The following SYNPO variants were observed in gnomAD, a reference collection of about 807,000 sequenced individuals.
SYNPO encodes synaptopodin.
SYNPO carries 19 observed loss-of-function variants against 49.5 expected under a neutral mutation model. That is an observed-to-expected ratio of 0.38 (90% CI 0.27 to 0.56). The LOEUF is 0.56. SYNPO is among the 20% of genes least tolerant of loss of function. SYNPO has a pLI of 0.68. For synonymous variants in SYNPO, 536 were observed against 548.0 expected (o/e 0.98, Z 0.31); for missense variants, 1,131 against 1,248.3 (o/e 0.91, Z 1.42).
intron 2 of SYNPO, among the ~76,000 whole-genome samples, chr5:150,626,050 CT>C (rs750178859): frequency 1.1e-4 from 17 of 152,214 alleles, no homozygotes; most frequent in African/African-American, 1.7e-4. Context: ...GCCCTACCCC[CT>C]GTCCATTAGA....
chr5:150,624,238 T>TA, intron 2 of SYNPO, among the ~76,000 whole-genome samples: 1 of 152,250 alleles, frequency 6.6e-6, no homozygotes, highest in East Asian at 1.9e-4. Context: ...GAGAGACAGT[T>TA]ATTCTAGTTA....
In SYNPO at chr5:150,633,841, G is replaced by A. The variant is rs181305261; in HGVS notation, c.401-14103G>A. Among the ~76,000 whole-genome samples, 275 of 152,264 alleles carry A rather than the reference G, an allele frequency of 1.8e-3. 1 individual carries two copies. The highest frequency in any genetic ancestry group is 5.9e-3 in the African/African-American group (244 of 41,542). On this transcript the variant is annotated intron_variant, in intron 2 of 2. Transcript: ENST00000394243. ...AAATTACCGTATATAATTATCATAG[G>A]CTGTGTGCGGTGGCTCATTCCTATA...
At chr5:150,620,933 CTTTCTTTCTTTCT>C (rs1757145877) in intron 2 of SYNPO, among the ~76,000 whole-genome samples, 1 of 124,886 alleles carries the variant, frequency 8.0e-6, no homozygotes, top group African/African-American at 3.4e-5. Context: ...TTCTTTCTTT[CTTTCTTTCTTTCT>C]TTTCTTTTCT....
At chr5:150,629,289 G>A (rs1251216359) in intron 2 of SYNPO, among the ~76,000 whole-genome samples, 1 of 152,172 alleles carries the variant, frequency 6.6e-6, no homozygotes, top group Non-Finnish European at 1.5e-5. Flanking sequence ...GAGTCACCAT[G>A]CCCGGCCTAG....
exon 2 of SYNPO, chr5:150,618,696 T>C (rs1757053999): frequency 6.5e-7 from 1 of 1,549,920 alleles, no homozygotes. Flanking sequence ...GACTGGGATG[T>C]AGTGAAGGCC....
intron 1 of SYNPO, among the ~76,000 whole-genome samples, chr5:150,609,962 C>T (rs1178000048): frequency 2.0e-5 from 3 of 152,250 alleles, no homozygotes; most frequent in African/African-American, 7.2e-5. Context: ...ACACCCCTGC[C>T]TGACCTCAGC....
rs377138138 is a variant in SYNPO at position 150,649,895 on chromosome 5, G to A, written c.1620G>A (p.Pro540=). Residue 540 remains proline (P), a synonymous_variant, in exon 2 of 3, where the codon CCG becomes CCA. Transcript: ENST00000307662. ...RVASRSPART[P]PASLYHGYLP... Reference sequence around the variant, plus strand: ...CATCCCGAAGCCCAGCCCGGACCCCGCCTGCCTCCCTCTACCATGGCTACC... The same window carrying A: ...CATCCCGAAGCCCAGCCCGGACCCCACCTGCCTCCCTCTACCATGGCTACC... 19 of 1,610,474 alleles carry A rather than the reference G, an allele frequency of 1.2e-5. 1 individual carries two copies. Among genetic ancestry groups the A allele is most frequent in the African/African-American group, 9.3e-5 (7 of 74,992 alleles).
At chr5:150,652,296 A>G (rs776065156) in intron 2 of SYNPO, 2 of 997,100 alleles carry the variant, frequency 2.0e-6, no homozygotes, top group Non-Finnish European at 2.4e-6. Flanking sequence ...CTCTGCCCCC[A>G]ACTTTGTTTT....
At chr5:150,628,811 G>C (rs187619843) in intron 2 of SYNPO, among the ~76,000 whole-genome samples, 76 of 152,332 alleles carry the variant, frequency 5.0e-4, no homozygotes, top group Admixed American at 1.3e-3. Context: ...AGAAGGCTGA[G>C]GCAGGAGACT....
intron 2 of SYNPO, among the ~76,000 whole-genome samples, chr5:150,619,459 G>C (rs79017989): frequency 3.9e-5 from 6 of 152,102 alleles, no homozygotes; most frequent in Middle Eastern, 3.2e-3. Flanking sequence ...CGTGTGGGGA[G>C]AGCACAGTGT....
chr5:150,626,492 C>T (rs990319934), intron 2 of SYNPO, among the ~76,000 whole-genome samples: 3 of 152,304 alleles, frequency 2.0e-5, no homozygotes, highest in Admixed American at 6.5e-5. Flanking sequence ...AGGCCTGCCC[C>T]GTCTTTGCAA....
intron 1 of SYNPO, among the ~76,000 whole-genome samples, chr5:150,616,202 C>T (rs966313271): frequency 2.6e-5 from 4 of 152,240 alleles, no homozygotes; most frequent in African/African-American, 9.6e-5. Flanking sequence ...AAACCAAGAC[C>T]TTGACCCAGC....
At chr5:150,607,394 T>C (rs1756724563) in intron 1 of SYNPO, among the ~76,000 whole-genome samples, 1 of 152,206 alleles carries the variant, frequency 6.6e-6, no homozygotes, top group African/African-American at 2.4e-5. Flanking sequence ...AGTTTATTTC[T>C]ACTGAGGAGT....
Position 150,648,998 on chromosome 5 carries a change from G to A in SYNPO, c.723G>A (p.Arg241=), listed in dbSNP as rs761447727. Residue 241 remains arginine (R), a synonymous_variant, in exon 2 of 3, where the codon AGG becomes AGA. Transcript: ENST00000307662. The surrounding 1 kb of genome is among the most constrained non-coding windows in gnomAD (Gnocchi z 5.0). ...KPPSVVNRTA[R]PFGIQAPGGT... is the part of the protein sequence containing the mutation. Reference sequence around the variant, plus strand: ...CATCAGTGGTCAACAGGACGGCCAGGCCTTTTGGGATCCAGGCGCCAGGGG... The same window carrying A: ...CATCAGTGGTCAACAGGACGGCCAGACCTTTTGGGATCCAGGCGCCAGGGG... 6.2e-7 allele frequency: 1 copy of A among 1,614,242 alleles called. No homozygotes were observed. Among genetic ancestry groups the A allele is most frequent in the Non-Finnish European group, 8.5e-7 (1 of 1,180,042 alleles).
In SYNPO at chr5:150,618,329, G is replaced by A. The variant is rs766449300; in HGVS notation, c.-39G>A. ...CAGCCCAGGCCCTGGCCCAGGCCCA[G>A]GAGCCTGCTTCCCTGCATCGCTGAG... On this transcript the variant is annotated 5_prime_UTR_variant, in exon 2 of 3. Coordinates refer to the SYNPO transcript ENST00000394243. 19 of 1,524,046 alleles carry A rather than the reference G, an allele frequency of 1.2e-5. No homozygotes were observed. In the South Asian group the frequency reaches 2.4e-4, roughly 19 times the overall value. The allele number at this position is 1,524,046 out of a possible 1,614,324, so 94.4% of individuals were successfully genotyped here. A position where few individuals can be genotyped will look rare whatever the true frequency, so the allele number is the denominator to read the frequency against.
intron 2 of SYNPO, among the ~76,000 whole-genome samples, chr5:150,626,324 C>T (rs1184814059): frequency 6.6e-6 from 1 of 152,224 alleles, no homozygotes; most frequent in Non-Finnish European, 1.5e-5. Context: ...CATCCCCTTC[C>T]TCTGTCTCCT....
At chr5:150,621,994 T>G (rs1036351089) in intron 2 of SYNPO, among the ~76,000 whole-genome samples, 5 of 152,246 alleles carry the variant, frequency 3.3e-5, no homozygotes, top group African/African-American at 1.2e-4. Flanking sequence ...TTCTTGAGAT[T>G]GTTGTGCAGA....
At chr5:150,627,373 C>A (rs1757391470) in intron 2 of SYNPO, among the ~76,000 whole-genome samples, 2 of 152,210 alleles carry the variant, frequency 1.3e-5, no homozygotes. Flanking sequence ...CTAGGCCAAC[C>A]TCTGCTGCCC....
chr5:150,613,935 T>C (rs940792746), intron 1 of SYNPO, among the ~76,000 whole-genome samples: 4 of 152,132 alleles, frequency 2.6e-5, no homozygotes, highest in African/African-American at 9.7e-5. Flanking sequence ...TTTTGACCCA[T>C]GGGGACCCTG....
Sources: gnomAD v4.1 joint callset for allele counts (sites outside exome capture counted in the v4.1 genomes callset) on GRCh38, gnomAD v4.1.1 for gene constraint, Gnocchi (gnomAD v3.1) non-coding constraint, MANE v1.5 for transcripts, NCBI Gene and HGNC (gene_info 2026-07-23, HGNC 2026-07-21) for gene names.